IGF2R: variants seen among roughly 807,000 people sequenced by gnomAD.
IGF2R encodes insulin like growth factor 2 receptor.
In IGF2R, 91 loss-of-function variants were observed where a neutral mutation model predicts 270.6. The ratio of observed to expected loss-of-function variants is 0.34; its 90% CI spans 0.28 to 0.40. The LOEUF (loss-of-function observed/expected upper bound fraction) is 0.40. Among genes scored for constraint, IGF2R ranks in the 10% least tolerant of loss-of-function variants. The pLI is 1.00. For synonymous variants in IGF2R, 1,316 were observed against 1,258.9 expected (o/e 1.05, Z -0.96); for missense variants, 2,805 against 3,188.3 (o/e 0.88, Z 2.90).
At chr6:160,009,891 G>A (rs1410856875) in intron 3 of IGF2R, among the ~76,000 whole-genome samples, 3 of 152,038 alleles carry the variant, frequency 2.0e-5, no homozygotes, top group African/African-American at 7.2e-5. Context: ...GCATCTTCAG[G>A]TCCACAGTGT....
chr6:160,111,348 C>A lies in IGF2R; in HGVS notation c.*6264C>A. 1.3e-5 allele frequency: 2 copies of A among 152,618 alleles called. No homozygotes were observed. The highest frequency in any genetic ancestry group is 4.0e-4 in the South Asian group (2 of 4,978). 9.5% of individuals were successfully genotyped at this position (152,618 alleles called of 1,614,324 possible). A position where few individuals can be genotyped will look rare whatever the true frequency, so the allele number is the denominator to read the frequency against. On this transcript the variant is annotated 3_prime_UTR_variant, in exon 48 of 48. Transcript: ENST00000356956. ...CAACCCCCCACTTCCTCCTCCTCCT[C>A]CTCAGCCTACTCAGGGTAAAGACAA...
In IGF2R at chr6:160,084,182, C is replaced by T; in HGVS notation, c.6066C>T (p.Val2022=). ...TGSWSLVHNG[V]SYYINLCQKI... is the part of the protein sequence containing the mutation. ...CCTGGTCCCTCGTCCACAACGGAGT[C>T]TCGTGAGTGCCTTCCCAGTCCACCC... The change falls in exon 40 of 48, where the codon GTC becomes GTT. Residue 2022 remains valine (V), a splice_region_variant and synonymous_variant. Coordinates refer to ENST00000356956, the MANE Select transcript of IGF2R (RefSeq NM_000876.4). The surrounding 1 kb of genome is among the most constrained non-coding windows in gnomAD (Gnocchi z 4.6). 1.3e-6 allele frequency: 2 copies of T among 1,587,940 alleles called. No homozygotes were observed. The highest frequency in any genetic ancestry group is 1.7e-6 in the Non-Finnish European group (2 of 1,156,230).
intron 1 of IGF2R, among the ~76,000 whole-genome samples, chr6:159,985,081 G>A (rs1191269918): frequency 2.6e-5 from 4 of 152,096 alleles, no homozygotes; most frequent in African/African-American, 9.7e-5. Flanking sequence ...TATATGACTA[G>A]CATTTTATTG....
At chr6:160,019,317 C>G (rs1171336306) in intron 4 of IGF2R, among the ~76,000 whole-genome samples, 1 of 151,936 alleles carries the variant, frequency 6.6e-6, no homozygotes, top group Non-Finnish European at 1.5e-5. Context: ...ACAAACAAAA[C>G]AAAACAAAAC....
chr6:160,094,074 A>G lies in IGF2R; in HGVS notation c.6656-2365A>G, dbSNP rs575392212. 33 of 521,152 alleles carry G rather than the reference A, an allele frequency of 6.3e-5. 1 individual carries two copies. Among genetic ancestry groups the G allele is most frequent in the South Asian group, 5.1e-4 (31 of 60,264 alleles). The allele number at this position is 521,152 out of a possible 1,614,324, so 32.3% of individuals were successfully genotyped here. On this transcript the variant is annotated intron_variant, in intron 44 of 47. Coordinates refer to ENST00000356956, the MANE Select transcript of IGF2R (RefSeq NM_000876.4). The stretch of plus-strand genomic sequence containing the variant: ...GACAGTCCTCCTGTCCACCAGCCCT[A>G]CCTCCACCCCATCATTCCCCTTCTC...
At chr6:160,009,433 C>T (rs1360927728) in intron 3 of IGF2R, among the ~76,000 whole-genome samples, 11 of 151,446 alleles carry the variant, frequency 7.3e-5, no homozygotes, top group African/African-American at 2.7e-4. Flanking sequence ...CTTTTTTTTT[C>T]TCTAAAACCT....
intron 2 of IGF2R, among the ~76,000 whole-genome samples, chr6:160,008,605 A>C (rs911188942): frequency 6.6e-6 from 1 of 152,086 alleles, no homozygotes; most frequent in Non-Finnish European, 1.5e-5. Context: ...ATATATCCTG[A>C]TTTGTATTTT....
At position 160,039,189 on chromosome 6, in the gene IGF2R, A is replaced by G. The variant is rs60688863; in HGVS notation, c.1316-1371A>G. 1.4e-3 allele frequency among the ~76,000 whole-genome samples: 215 copies of G among 152,336 alleles called. 2 individuals carry two copies. In the East Asian group the frequency reaches 0.028, roughly 20 times the overall value. Reference sequence around the variant, plus strand: ...GTATAGCCTGCTGCACACCTAAGCTATATGGTGTAGCCTATTGGCTCCTGG... The same window carrying G: ...GTATAGCCTGCTGCACACCTAAGCTGTATGGTGTAGCCTATTGGCTCCTGG... On this transcript the variant is annotated intron_variant, in intron 10 of 47. Transcript: ENST00000356956.
At chr6:160,045,161 A>G (rs535331970) in intron 13 of IGF2R, among the ~76,000 whole-genome samples, 2 of 152,194 alleles carry the variant, frequency 1.3e-5, no homozygotes, top group South Asian at 2.1e-4. Flanking sequence ...TTCCATTAAT[A>G]ATTTTTAGGA....
intron 39 of IGF2R, among the ~76,000 whole-genome samples, chr6:160,080,868 A>G (rs1019590498): frequency 3.9e-5 from 6 of 152,048 alleles, no homozygotes; most frequent in African/African-American, 1.5e-4. Flanking sequence ...CTGTAATCCC[A>G]GCACTTTGGG....
At chr6:160,048,989 G>GA (rs1227752623) in intron 18 of IGF2R, among the ~76,000 whole-genome samples, 46 of 152,324 alleles carry the variant, frequency 3.0e-4, no homozygotes, top group African/African-American at 1.1e-3. Flanking sequence ...TCCCTGGGTT[G>GA]AATGCAGTCA....
chr6:160,025,642 G>A (rs924881952), intron 5 of IGF2R, among the ~76,000 whole-genome samples: 4 of 151,914 alleles, frequency 2.6e-5, no homozygotes, highest in African/African-American at 9.7e-5. Flanking sequence ...CCCCATTCAG[G>A]GCTCACCAAA....
intron 4 of IGF2R, among the ~76,000 whole-genome samples, chr6:160,016,719 A>G (rs1455782907): frequency 6.6e-6 from 1 of 152,092 alleles, no homozygotes; most frequent in East Asian, 1.9e-4. Context: ...GTATATTACT[A>G]CTACAACTGA....
At chr6:160,053,973 C>T (rs1297491445) in intron 19 of IGF2R, among the ~76,000 whole-genome samples, 2 of 152,170 alleles carry the variant, frequency 1.3e-5, no homozygotes, top group East Asian at 3.8e-4. Context: ...CCTGCCTCAG[C>T]TTCCTAAAGT....
At position 159,986,677 on chromosome 6, in the gene IGF2R, T is replaced by A. The variant is rs79576687; in HGVS notation, c.150-4507T>A. On this transcript the variant is annotated intron_variant, in intron 1 of 47. Coordinates refer to ENST00000356956, the MANE Select transcript of IGF2R (RefSeq NM_000876.4). ...ATACTTTCTTCCAGAAGCTTGTTTG[T>A]TGCTAACATTTAACATCTTACTGTT... 1.7e-3 allele frequency among the ~76,000 whole-genome samples: 263 copies of A among 152,334 alleles called. 4 individuals are homozygous for A. The East Asian group carries it at 0.044, about 25-fold the overall frequency.
In IGF2R at chr6:160,069,869, G is replaced by A; in HGVS notation, c.4254G>A (p.Glu1418=). The A allele has an allele frequency of 6.2e-7, 1 of 1,613,786 alleles. No individual in the cohort carries two copies. Among genetic ancestry groups the A allele is most frequent in the Non-Finnish European group, 8.5e-7 (1 of 1,179,902 alleles). The change falls in exon 31 of 48, where the codon GAG becomes GAA. Residue 1418 remains glutamate (E), a splice_region_variant and synonymous_variant. Coordinates refer to ENST00000356956, the MANE Select transcript of IGF2R (RefSeq NM_000876.4). ...CKSLAPQAGT[E]PCPPEAAACL... ...TCTTTCTTGTGTCTGGTGCTGCAGA[G>A]CCGTGCCCTCCAGAAGCAGCCGCGT...
At chr6:159,971,551 C>G (rs1783608961) in intron 1 of IGF2R, among the ~76,000 whole-genome samples, 1 of 152,230 alleles carries the variant, frequency 6.6e-6, no homozygotes, top group Non-Finnish European at 1.5e-5. Context: ...ACCTCTTTCC[C>G]TGTTACTTCC....
In IGF2R at chr6:160,072,855, G is replaced by A; in HGVS notation, c.4661G>A (p.Gly1554Glu). 4 of 1,614,012 alleles carry A rather than the reference G, an allele frequency of 2.5e-6. No individual in the cohort carries two copies. The highest frequency in any genetic ancestry group is 3.4e-6 in the Non-Finnish European group (4 of 1,179,958). Reference sequence around the variant, plus strand: ...GGGTTGGTTTACATGAGCATCTGTGGGGAGAATGAAAACTGCCCTCCTGGC... The same window carrying A: ...GGGTTGGTTTACATGAGCATCTGTGAGGAGAATGAAAACTGCCCTCCTGGC... ...EKGLVYMSIC[G>E]ENENCPPGVG... The change falls in exon 33 of 48, where the codon GGG becomes GAG. Residue 1554 changes from glycine to glutamate, a missense_variant. Around this residue, in one of 2 missense-constraint regions of IGF2R, gnomAD observed 1,851 missense variants for 2,207.2 expected, o/e 0.84. Transcript: ENST00000356956.
At chr6:160,016,390 C>CT (rs1249030515) in intron 4 of IGF2R, among the ~76,000 whole-genome samples, 3 of 152,234 alleles carry the variant, frequency 2.0e-5, no homozygotes, top group Non-Finnish European at 4.4e-5. Flanking sequence ...CCCAGCTTTC[C>CT]TTCCTCAATC....
Sources: gnomAD v4.1 joint callset for allele counts (sites outside exome capture counted in the v4.1 genomes callset) on GRCh38, gnomAD v4.1.1 for gene constraint, gnomAD v4.1.1 regional missense constraint, Gnocchi (gnomAD v3.1) non-coding constraint, MANE v1.5 for transcripts, NCBI Gene and HGNC (gene_info 2026-07-23, HGNC 2026-07-21) for gene names.